MAPK9: variants seen among roughly 807,000 people sequenced by gnomAD.
MAPK9 encodes the protein Jun kinase.
In MAPK9, 30 loss-of-function variants were observed where a neutral mutation model predicts 57.1. The ratio of observed to expected loss-of-function variants is 0.53; its 90% CI spans 0.39 to 0.71. MAPK9 has a LOEUF of 0.71. MAPK9 is among the 30% of genes least tolerant of loss of function. MAPK9 has a pLI of 0.00. For synonymous variants in MAPK9, 155 were observed against 177.0 expected (o/e 0.88, Z 0.99); for missense variants, 362 against 521.0 (o/e 0.69, Z 2.97).
Position 180,272,310 on chromosome 5 carries a change from G to C in MAPK9, c.123-2901C>G, listed in dbSNP as rs987223043. ...ACCCTTGATTGATAATAAGTTTTCT[G>C]AGTTTAAAATCAATTTTCTGTGAGA... is the stretch of plus-strand genomic sequence containing the variant. On this transcript the variant is annotated intron_variant, in intron 2 of 11. Transcript: ENST00000452135. 2.0e-5 allele frequency among the ~76,000 whole-genome samples: 3 copies of C among 152,200 alleles called. No individual in the cohort carries two copies. The East Asian group carries it at 5.8e-4, about 29-fold the overall frequency.
chr5:180,286,129 A>ATTCTTTAT (rs1191379539), intron 1 of MAPK9, among the ~76,000 whole-genome samples: 6 of 142,102 alleles, frequency 4.2e-5, no homozygotes, highest in African/African-American at 1.6e-4. Flanking sequence ...TCCTACTGTA[A>ATTCTTTAT]TTCTTTATTC....
chr5:180,265,839 C>G (rs1357166085), intron 3 of MAPK9, among the ~76,000 whole-genome samples: 1 of 152,014 alleles, frequency 6.6e-6, no homozygotes, highest in Non-Finnish European at 1.5e-5. Flanking sequence ...AAACTGCATC[C>G]ATATTTCAAT....
rs568415359 is a variant in MAPK9 at position 180,235,122 on chromosome 5, G to A, written c.*1262C>T. On this transcript the variant is annotated 3_prime_UTR_variant, in exon 12 of 12. Coordinates refer to ENST00000452135, the MANE Select transcript of MAPK9 (RefSeq NM_002752.5). ...TAAAGTCTAAAAGTATCAATTTCAG[G>A]TGAGCAGTTTTAAATCAGAAAATAG... is the stretch of plus-strand genomic sequence containing the variant. The A allele has an allele frequency of 6.6e-6, 1 of 152,324 alleles. No individual in the cohort carries two copies. Among genetic ancestry groups the A allele is most frequent in the South Asian group, 2.1e-4 (1 of 4,826 alleles). 9.4% of individuals were successfully genotyped at this position (152,324 alleles called of 1,614,324 possible).
At chr5:180,285,937 G>A (rs1032887219) in intron 1 of MAPK9, among the ~76,000 whole-genome samples, 1 of 150,764 alleles carries the variant, frequency 6.6e-6, no homozygotes, top group Admixed American at 6.6e-5. Flanking sequence ...AAAATTAGCC[G>A]GGTGTGGTGG....
At chr5:180,262,365 T>C (rs549241792) in intron 4 of MAPK9, among the ~76,000 whole-genome samples, 2 of 124,312 alleles carry the variant, frequency 1.6e-5, no homozygotes, top group East Asian at 6.5e-4. Flanking sequence ...TTTGCTCCCT[T>C]TGCAAGCAAA....
At chr5:180,273,318 G>C (rs1273871465) in intron 2 of MAPK9, among the ~76,000 whole-genome samples, 1 of 151,514 alleles carries the variant, frequency 6.6e-6, no homozygotes. Context: ...TCAGTTTCTT[G>C]ATCTTGGTTT....
At chr5:180,242,476 C>G (rs1332379702) in intron 8 of MAPK9, 97 bp downstream of exon 8, 4 of 1,179,280 alleles carry the variant, frequency 3.4e-6, no homozygotes, top group Non-Finnish European at 4.8e-6. Context: ...AAATGACTTT[C>G]TCTCCCAAAA....
chr5:180,238,687 A>C (rs6860142), intron 10 of MAPK9, among the ~76,000 whole-genome samples: 73,131 of 148,744 alleles, frequency 0.49, 18,267 homozygotes, highest in African/African-American at 0.52. Context: ...TGACTCACTG[A>C]AACCTCCACC....
chr5:180,272,946 G>A (rs549404180), intron 2 of MAPK9, among the ~76,000 whole-genome samples: 2 of 152,120 alleles, frequency 1.3e-5, no homozygotes, highest in East Asian at 3.9e-4. Flanking sequence ...TGCCAGCAGT[G>A]CACGAGGGGT....
intron 3 of MAPK9, among the ~76,000 whole-genome samples, chr5:180,268,286 T>G (rs1760883988): frequency 2.6e-5 from 4 of 152,228 alleles, no homozygotes; most frequent in African/African-American, 9.6e-5. Context: ...CAAGAATAGC[T>G]ACTCTAAATG....
At chr5:180,264,730 G>T in intron 4 of MAPK9, 51 bp downstream of exon 4, 1 of 1,474,362 alleles carries the variant, frequency 6.8e-7, no homozygotes, top group Non-Finnish European at 9.0e-7. Context: ...GTCTTTTCTA[G>T]ATGTTCATTC....
intron 1 of MAPK9, among the ~76,000 whole-genome samples, chr5:180,289,932 T>C (rs192405602): frequency 1.8e-3 from 275 of 152,356 alleles, no homozygotes; most frequent in African/African-American, 6.4e-3. Context: ...CATAGCTCAC[T>C]GCAGGCTCCA....
intron 2 of MAPK9, among the ~76,000 whole-genome samples, chr5:180,271,816 A>T (rs938625663): frequency 1.1e-4 from 16 of 152,230 alleles, no homozygotes; most frequent in Non-Finnish European, 2.4e-4. Context: ...CTTATATTTC[A>T]TCAACTGCTC....
At chr5:180,245,629 G>A (rs901952670) in intron 7 of MAPK9, among the ~76,000 whole-genome samples, 16 of 152,172 alleles carry the variant, frequency 1.1e-4, no homozygotes, top group Non-Finnish European at 2.2e-4. Flanking sequence ...GGACCCTGTT[G>A]TCTAACTCTC....
At chr5:180,281,403 G>A (rs1184973711) in intron 1 of MAPK9, among the ~76,000 whole-genome samples, 1 of 152,264 alleles carries the variant, frequency 6.6e-6, no homozygotes, top group Non-Finnish European at 1.5e-5. Context: ...CTGCTCTGCA[G>A]GAGCCTGGAT....
In MAPK9 at chr5:180,243,575, A is replaced by G. The variant is rs552103229; in HGVS notation, c.689-820T>C. Among the ~76,000 whole-genome samples, 10 of 152,374 alleles carry G rather than the reference A, an allele frequency of 6.6e-5. No homozygotes were observed. The South Asian group carries it at 2.1e-3, about 32-fold the overall frequency. ...GTGAGAAAAAAATAGCATCAACAGC[A>G]GCTTAAAAAAGTGCTCACTGAGGCA... On this transcript the variant is annotated intron_variant, in intron 7 of 11. Transcript: ENST00000452135.
intron 1 of MAPK9, among the ~76,000 whole-genome samples, chr5:180,290,409 C>T (rs1763127473): frequency 6.6e-6 from 1 of 152,298 alleles, no homozygotes; most frequent in Admixed American, 6.5e-5. Context: ...TCCCCTATAG[C>T]AAGGGTTGTA....
intron 2 of MAPK9, among the ~76,000 whole-genome samples, chr5:180,271,661 A>G (rs1561832630): frequency 6.6e-6 from 1 of 152,196 alleles, no homozygotes; most frequent in Non-Finnish European, 1.5e-5. Flanking sequence ...AAATCAATAC[A>G]TGGAGTGTAG....
intron 1 of MAPK9, among the ~76,000 whole-genome samples, chr5:180,288,543 A>G (rs1421920364): frequency 1.3e-5 from 2 of 152,192 alleles, no homozygotes; most frequent in African/African-American, 4.8e-5. Context: ...TAACTACTGT[A>G]CACCTCCTGA....
Sources: allele counts gnomAD v4.1 joint callset (sites outside exome capture counted in the v4.1 genomes callset), GRCh38; gene constraint gnomAD v4.1.1; transcripts MANE v1.5; gene names NCBI Gene and HGNC (gene_info 2026-07-23, HGNC 2026-07-21).